Variants in GAS2 observed in about 807,000 individuals in gnomAD.
The protein encoded by GAS2 is growth arrest specific 2.
Under a neutral mutation model 37.5 loss-of-function variants are expected in GAS2, and 20 were observed. The ratio of observed to expected loss-of-function variants is 0.53; its 90% confidence interval spans 0.37 to 0.77. GAS2 has a LOEUF of 0.77. Ranked by LOEUF, GAS2 falls within the 30% of genes least tolerant of loss-of-function variation. GAS2 has a pLI of 0.00. For missense variants in GAS2, 336 were observed against 373.4 expected, an observed-to-expected ratio of 0.90 and a Z score of 0.82; for synonymous variants, 144 against 132.2, an observed-to-expected ratio of 1.09 and a Z score of -0.61.
intron 1 of GAS2, among the ~76,000 whole-genome samples, chr11:22,649,108 TGA>T (rs1325848833): frequency 1.3e-5 from 2 of 152,040 alleles, no homozygotes; most frequent in Non-Finnish European, 2.9e-5. Context: ...CCTAATTTAT[TGA>T]GAGTTTTTAG....
At chr11:22,637,117 AATATTACTTATATTAATATTATATCAAT>A (rs1475157793) in intron 1 of GAS2, among the ~76,000 whole-genome samples, 30 of 128,488 alleles carry the variant, frequency 2.3e-4, no homozygotes, top group Admixed American at 4.1e-4. Flanking sequence ...ATATTAATAT[AATATTACTTATATTAATATTATATCAAT>A]ATATTACTTA....
intron 1 of GAS2, among the ~76,000 whole-genome samples, chr11:22,650,824 G>A (rs1414390305): frequency 2.0e-5 from 3 of 152,018 alleles, no homozygotes; most frequent in Non-Finnish European, 4.4e-5. Context: ...CTGCCCGTGA[G>A]ATGGGTTTCC....
chr11:22,743,758 A>G (rs1400031854), intron 5 of GAS2, among the ~76,000 whole-genome samples: 1 of 152,130 alleles, frequency 6.6e-6, no homozygotes, highest in Non-Finnish European at 1.5e-5. Context: ...AGAACAAACT[A>G]ACCCAAAGCT....
intron 6 of GAS2, among the ~76,000 whole-genome samples, chr11:22,754,277 C>A (rs975796455): frequency 2.0e-5 from 3 of 151,880 alleles, no homozygotes; most frequent in Non-Finnish European, 4.4e-5. Flanking sequence ...TATTTATTTG[C>A]CATTAAGATG....
At chr11:22,652,794 C>A in intron 1 of GAS2, among the ~76,000 whole-genome samples, 1 of 152,286 alleles carries the variant, frequency 6.6e-6, no homozygotes, top group African/African-American at 2.4e-5. Flanking sequence ...ACACGGTGCG[C>A]GCACCCACTG....
intron 1 of GAS2, among the ~76,000 whole-genome samples, chr11:22,651,653 C>G (rs1848777261): frequency 6.6e-6 from 1 of 152,158 alleles, no homozygotes; most frequent in African/African-American, 2.4e-5. Context: ...TCCCTTCTTA[C>G]TTCATTTCAT....
chr11:22,641,273 T>A (rs1279989523), intron 1 of GAS2, among the ~76,000 whole-genome samples: 1 of 137,876 alleles, frequency 7.3e-6, no homozygotes, highest in Non-Finnish European at 1.5e-5. Context: ...TATATATCTT[T>A]ATATATATCT....
intron 4 of GAS2, among the ~76,000 whole-genome samples, chr11:22,734,577 T>G (rs1195039139): frequency 6.6e-6 from 1 of 151,614 alleles, no homozygotes; most frequent in Non-Finnish European, 1.5e-5. Flanking sequence ...ATTAATCGAC[T>G]AAACCAAATA....
intron 4 of GAS2, among the ~76,000 whole-genome samples, chr11:22,737,355 C>T (rs534490167): frequency 5.3e-5 from 8 of 152,124 alleles, no homozygotes; most frequent in Admixed American, 4.6e-4. Flanking sequence ...CAATTATTGA[C>T]AGGTATCATA....
At chr11:22,794,082 A>G (rs1856309634) in intron 7 of GAS2, among the ~76,000 whole-genome samples, 1 of 150,486 alleles carries the variant, frequency 6.6e-6, no homozygotes, top group African/African-American at 2.4e-5. Context: ...CTACAAAACA[A>G]GAATAAGATC....
At chr11:22,758,035 G>A (rs1365256014) in intron 7 of GAS2, among the ~76,000 whole-genome samples, 5 of 152,128 alleles carry the variant, frequency 3.3e-5, no homozygotes, top group Non-Finnish European at 7.4e-5. Context: ...ATATGATTAT[G>A]CTAGTACTTT....
rs115843818 is a variant in GAS2 at position 22,692,657 on chromosome 11, G to C, written c.267+6868G>C. Among the ~76,000 whole-genome samples, 1,111 of 152,260 alleles carry C rather than the reference G, an allele frequency of 7.3e-3. 21 individuals carry two copies. The highest frequency in any genetic ancestry group is 0.025 in the African/African-American group (1,056 of 41,554). The stretch of plus-strand genomic sequence containing the variant: ...TCTCAGCCATCAGAGGTATAACTTT[G>C]AATAGAATGGGAGGCACATTTGTCC... On this transcript the variant is annotated intron_variant, in intron 3 of 7. Transcript: ENST00000454584.
At chr11:22,670,152 A>G (rs934280146) in intron 1 of GAS2, among the ~76,000 whole-genome samples, 1 of 152,150 alleles carries the variant, frequency 6.6e-6, no homozygotes, top group African/African-American at 2.4e-5. Context: ...CCAATAAACT[A>G]TTTCCTCAGT....
chr11:22,679,982 A>T (rs439404), intron 2 of GAS2, among the ~76,000 whole-genome samples: 55,920 of 151,930 alleles, frequency 0.37, 11,294 homozygotes, highest in African/African-American at 0.55. Flanking sequence ...AATATGAGCA[A>T]TATGTAACAT....
At chr11:22,766,973 C>T (rs894346214) in intron 7 of GAS2, among the ~76,000 whole-genome samples, 3 of 152,102 alleles carry the variant, frequency 2.0e-5, no homozygotes, top group African/African-American at 7.2e-5. Flanking sequence ...CAAGTGCAAA[C>T]TGAAAACGTT....
chr11:22,783,972 C>G (rs1855701213), intron 7 of GAS2, among the ~76,000 whole-genome samples: 1 of 152,126 alleles, frequency 6.6e-6, no homozygotes, highest in Admixed American at 6.6e-5. Context: ...GGCTTTATTT[C>G]TGTGTTCTCT....
chr11:22,773,385 T>TC, intron 7 of GAS2, among the ~76,000 whole-genome samples: 1 of 113,666 alleles, frequency 8.8e-6, no homozygotes, highest in African/African-American at 3.3e-5. Context: ...CACACCTCAA[T>TC]CTTTTTTTTT....
intron 7 of GAS2, among the ~76,000 whole-genome samples, chr11:22,773,490 T>A (rs2134440825): frequency 6.7e-6 from 1 of 148,210 alleles, no homozygotes; most frequent in South Asian, 2.2e-4. Flanking sequence ...GCCTCCCGGA[T>A]TCACGCCATT....
At chr11:22,691,736 A>G (rs1328349820) in intron 3 of GAS2, among the ~76,000 whole-genome samples, 1 of 152,220 alleles carries the variant, frequency 6.6e-6, no homozygotes. Context: ...AAGGAAAAAG[A>G]AAAGTTAGTG....
Sources: allele counts gnomAD v4.1 joint callset (sites outside exome capture counted in the v4.1 genomes callset), GRCh38; gene constraint gnomAD v4.1.1; transcripts MANE v1.5; gene names NCBI Gene and HGNC (gene_info 2026-07-23, HGNC 2026-07-21).